UBE2W: variants seen among roughly 807,000 people sequenced by gnomAD.
The protein encoded by UBE2W is ubiquitin-conjugating enzyme E2 W.
Under a neutral mutation model 27.2 loss-of-function variants are expected in UBE2W, and 18 were observed. The ratio of observed to expected loss-of-function variants is 0.66; its 90% CI spans 0.46 to 0.98. The LOEUF (loss-of-function observed/expected upper bound fraction) is 0.98, where lower values mean the gene tolerates loss of function less well. UBE2W is among the 50% of genes least tolerant of loss of function. UBE2W has a pLI of 0.00. For missense variants in UBE2W, 90 were observed against 180.2 expected (o/e 0.50, Z 2.87); for synonymous variants, 53 against 57.2 (o/e 0.93, Z 0.33).
intron 1 of UBE2W, among the ~76,000 whole-genome samples, chr8:73,868,704 GAA>G (rs79830383): frequency 3.1e-5 from 4 of 130,400 alleles, no homozygotes; most frequent in Admixed American, 7.9e-5. Context: ...TGCTTGGTGT[GAA>G]AAAAAAAAAA....
chr8:73,877,452 A>G lies in UBE2W; in HGVS notation c.15+1356T>C, dbSNP rs116312682. ...GAGGGAGAAGCAAGGTAAAGAGAATATTGTAAGGAAAACAGGTTGAAAGGG... is the reference window on the plus strand; with the variant it reads ...GAGGGAGAAGCAAGGTAAAGAGAATGTTGTAAGGAAAACAGGTTGAAAGGG... On this transcript the variant is annotated intron_variant, in intron 1 of 5. Coordinates refer to ENST00000602593, the MANE Select transcript of UBE2W (RefSeq NM_018299.6). 8.9e-3 allele frequency among the ~76,000 whole-genome samples: 1,357 copies of G among 152,358 alleles called. 28 individuals are homozygous for G. The highest frequency in any genetic ancestry group is 0.031 in the African/African-American group (1,286 of 41,584).
At chr8:73,820,732 ACT>A (rs976745571) in intron 3 of UBE2W, among the ~76,000 whole-genome samples, 1 of 150,046 alleles carries the variant, frequency 6.7e-6, no homozygotes, top group Non-Finnish European at 1.5e-5. Context: ...ACAGAGCGAG[ACT>A]CTGTCTCAAA....
intron 1 of UBE2W, among the ~76,000 whole-genome samples, chr8:73,869,917 A>G (rs1397336396): frequency 6.6e-6 from 1 of 152,020 alleles, no homozygotes; most frequent in Non-Finnish European, 1.5e-5. Context: ...GGTCATATAT[A>G]ATATAATTCC....
At position 73,792,802 on chromosome 8, in the gene UBE2W, T is replaced by A. The variant is rs1340107812; in HGVS notation, c.*1300A>T. 3 of 985,540 alleles carry A rather than the reference T, an allele frequency of 3.0e-6. No individual in the cohort carries two copies. The highest frequency in any genetic ancestry group is 2.3e-4 in the East Asian group (2 of 8,826). The allele number at this position is 985,540 out of a possible 1,614,324, so 61.0% of individuals were successfully genotyped here. ...GGACCTTTCAACAATTTTTTTTTTC[T>A]ATAGAAAGTTTCATCTAGCTGTAAG... On this transcript the variant is annotated 3_prime_UTR_variant, in exon 6 of 6. Coordinates refer to ENST00000602593, the MANE Select transcript of UBE2W (RefSeq NM_018299.6).
At chr8:73,838,995 C>T (rs1280081111) in intron 1 of UBE2W, among the ~76,000 whole-genome samples, 1 of 152,086 alleles carries the variant, frequency 6.6e-6, no homozygotes, top group African/African-American at 2.4e-5. Context: ...TATCTGGGGC[C>T]CTTGAGCGGC....
intron 4 of UBE2W, among the ~76,000 whole-genome samples, chr8:73,806,572 G>A (rs993345595): frequency 2.6e-5 from 4 of 151,220 alleles, no homozygotes; most frequent in East Asian, 1.9e-4. Flanking sequence ...TTAGCCGGGC[G>A]TGTTGGCGGG....
At chr8:73,870,389 T>G in intron 1 of UBE2W, 2 of 1,168,988 alleles carry the variant, frequency 1.7e-6, no homozygotes, top group Non-Finnish European at 2.3e-6. Context: ...GGACTAGAAA[T>G]CAGAAAAAAA....
chr8:73,831,997 G>A (rs1191355541), intron 1 of UBE2W: 2 of 152,010 alleles, frequency 1.3e-5, no homozygotes, highest in Non-Finnish European at 2.9e-5. Flanking sequence ...TAGGCTACGT[G>A]TGGTGGCTCA....
rs867006090 is a variant in UBE2W at position 73,878,739 on chromosome 8, C to T, written c.15+69G>A. ...GGGTGTCCCCGAATCGCGGACGCCA[C>T]CCCCGCCCGAACGCTGGCACTCTCT... On this transcript the variant is annotated intron_variant, in intron 1 of 5. Transcript: ENST00000602593. 114 of 1,395,168 alleles carry T rather than the reference C, an allele frequency of 8.2e-5. No individual in the cohort carries two copies. The African/African-American group carries it at 1.3e-3, about 16-fold the overall frequency. The allele number at this position is 1,395,168 out of a possible 1,614,324, so 86.4% of individuals were successfully genotyped here. A position where few individuals can be genotyped will look rare whatever the true frequency, so the allele number is the denominator to read the frequency against.
In UBE2W at chr8:73,787,720, T is replaced by A; in HGVS notation, c.*6382A>T. The A allele has an allele frequency of 1.0e-6, 1 of 985,460 alleles. No homozygotes were observed. Among genetic ancestry groups the A allele is most frequent in the South Asian group, 4.7e-5 (1 of 21,294 alleles). The allele number at this position is 985,460 out of a possible 1,614,324, so 61.0% of individuals were successfully genotyped here. ...CTTGCAGCTTCAAGAGTCACTCATT[T>A]AAGTCATTAGTTGATCTGTTTGTAT... On this transcript the variant is annotated 3_prime_UTR_variant, in exon 6 of 6. Coordinates refer to ENST00000602593, the MANE Select transcript of UBE2W (RefSeq NM_018299.6).
At chr8:73,802,665 G>T (rs1049046104) in intron 5 of UBE2W, among the ~76,000 whole-genome samples, 5 of 152,072 alleles carry the variant, frequency 3.3e-5, no homozygotes, top group Non-Finnish European at 2.9e-5. Flanking sequence ...TGAGGCAGGC[G>T]ATCACCCTGA....
chr8:73,807,186 C>T (rs1308551893), intron 4 of UBE2W, among the ~76,000 whole-genome samples: 1 of 152,182 alleles, frequency 6.6e-6, no homozygotes, highest in Non-Finnish European at 1.5e-5. Flanking sequence ...ATTCCAATAA[C>T]TTGATTATTT....
chr8:73,799,193 G>T (rs1176267020), intron 5 of UBE2W, among the ~76,000 whole-genome samples: 1 of 151,874 alleles, frequency 6.6e-6, no homozygotes, highest in Non-Finnish European at 1.5e-5. Flanking sequence ...ACACTAATGA[G>T]GTGACTTTTT....
intron 1 of UBE2W, among the ~76,000 whole-genome samples, chr8:73,836,122 C>G (rs1810300828): frequency 6.6e-6 from 1 of 152,188 alleles, no homozygotes; most frequent in Admixed American, 6.6e-5. Flanking sequence ...ACTGCTCCAT[C>G]CTCCCCTCCA....
At chr8:73,876,490 T>A (rs7835483) in intron 1 of UBE2W, among the ~76,000 whole-genome samples, 36,847 of 152,032 alleles carry the variant, frequency 0.24, 7,574 homozygotes, top group African/African-American at 0.57. Flanking sequence ...TTTCAATAAA[T>A]ATAGGAAGCA....
chr8:73,864,285 T>C lies in UBE2W; in HGVS notation c.15+14523A>G, dbSNP rs770725208. ...GGCACATGACTGTAATCCCAACTAT[T>C]TGGAAGGCTAAGGCACGAGAATCAC... On this transcript the variant is annotated intron_variant, in intron 1 of 5. Coordinates refer to ENST00000602593, the MANE Select transcript of UBE2W (RefSeq NM_018299.6). 4.6e-5 allele frequency among the ~76,000 whole-genome samples: 7 copies of C among 152,068 alleles called. No individual in the cohort carries two copies. The South Asian group carries it at 8.3e-4, about 18-fold the overall frequency.
At chr8:73,874,521 C>G (rs1045900051) in intron 1 of UBE2W, among the ~76,000 whole-genome samples, 1 of 152,162 alleles carries the variant, frequency 6.6e-6, no homozygotes, top group Non-Finnish European at 1.5e-5. Context: ...AAGAATACCT[C>G]AATACTGCTA....
chr8:73,786,476 C>T lies in UBE2W; in HGVS notation c.*7626G>A. 1.0e-6 allele frequency: 1 copy of T among 985,338 alleles called. No individual in the cohort carries two copies. Among genetic ancestry groups the T allele is most frequent in the Non-Finnish European group, 1.2e-6 (1 of 829,850 alleles). The allele number at this position is 985,338 out of a possible 1,614,324, so 61.0% of individuals were successfully genotyped here. On this transcript the variant is annotated 3_prime_UTR_variant, in exon 6 of 6. Coordinates refer to ENST00000602593, the MANE Select transcript of UBE2W (RefSeq NM_018299.6). ...GTGTGCTACGTGCTGGGGACACAAA[C>T]ACAATTGCAACACTGTCCCTACTGT...
intron 1 of UBE2W, among the ~76,000 whole-genome samples, chr8:73,871,286 G>C (rs1812000032): frequency 1.3e-5 from 2 of 152,194 alleles, no homozygotes; most frequent in Admixed American, 1.3e-4. Context: ...CAAGGTTTCT[G>C]GCTGAGCAAA....
Sources: allele counts gnomAD v4.1 joint callset (sites outside exome capture counted in the v4.1 genomes callset), GRCh38; gene constraint gnomAD v4.1.1; transcripts MANE v1.5; gene names NCBI Gene and HGNC (gene_info 2026-07-23, HGNC 2026-07-21).